ACHE: variants seen among roughly 807,000 people sequenced by gnomAD.
The protein encoded by ACHE is acetylcholinesterase (Yt blood group), also known as acetylcholinesterase.
ACHE carries 19 observed loss-of-function variants against 53.9 expected under a neutral mutation model. That is an observed-to-expected ratio of 0.35 (90% CI 0.25 to 0.52). The LOEUF (loss-of-function observed/expected upper bound fraction) is 0.52. Ranked by LOEUF, ACHE falls within the 20% of genes least tolerant of loss-of-function variation. The pLI, the probability that ACHE is intolerant of heterozygous loss-of-function variation, is 0.95. For synonymous variants in ACHE, 392 were observed against 378.1 expected (o/e 1.04, Z -0.43); for missense variants, 605 against 849.4 (o/e 0.71, Z 3.58).
At chr7:100,890,907 G>T in intron 4 of ACHE, 2 of 1,472,100 alleles carry the variant, frequency 1.4e-6, no homozygotes, top group South Asian at 2.9e-5. Context: ...CCCACGGTCC[G>T]ACCACTCATT....
chr7:100,890,905 C>T, intron 4 of ACHE: 4 of 1,472,818 alleles, frequency 2.7e-6, no homozygotes, highest in Non-Finnish European at 3.6e-6. Flanking sequence ...TCCCCACGGT[C>T]CGACCACTCA....
rs1419397463 is a variant in ACHE at position 100,892,729 on chromosome 7, G to A, written c.1158C>T (p.Ser386=). 11 of 1,613,354 alleles carry A rather than the reference G, an allele frequency of 6.8e-6. No individual in the cohort carries two copies. Among genetic ancestry groups the A allele is most frequent in the South Asian group, 1.1e-5 (1 of 91,076 alleles). The change falls in exon 3 of 5, where the codon AGC becomes AGT. Residue 386 remains serine, a synonymous_variant. Coordinates refer to ENST00000241069, the MANE Select transcript of ACHE (RefSeq NM_000665.5). This position sits in a 1 kb window ranked among gnomAD's most constrained non-coding sequence, Gnocchi z 5.2. ...GCACCCCGGCCAGGAACTCGGCCCGGCTGATGAGAGACTCGTTGTCTTTGC... is the reference window on the plus strand; with the variant it reads ...GCACCCCGGCCAGGAACTCGGCCCGACTGATGAGAGACTCGTTGTCTTTGC... ...GFSKDNESLI[S]RAEFLAGVRV...
Position 100,893,404 on chromosome 7 carries a change from G to C in ACHE, c.829C>G (p.Arg277Gly), listed in dbSNP as rs768377541. ...WATVGMGEAR[R>G]RATQLAHLVG... ...AGGTGGGCCAGCTGCGTGGCCCTGCGACGGGCCTCTCCCATGCCCACCGTG... is the reference window on the plus strand; with the variant it reads ...AGGTGGGCCAGCTGCGTGGCCCTGCCACGGGCCTCTCCCATGCCCACCGTG... Residue 277 changes from arginine to glycine, a missense_variant, in exon 2 of 5, where the codon CGC becomes GGC. Arg to Gly is a moderately radical substitution (Grantham distance 125, BLOSUM62 -2). Around this residue, in one of 4 missense-constraint regions of ACHE, gnomAD observed 397 missense variants for 632.5 expected, o/e 0.63. Transcript: ENST00000241069. 1 of 1,612,098 alleles carries C rather than the reference G, an allele frequency of 6.2e-7. No individual in the cohort carries two copies. Among genetic ancestry groups the C allele is most frequent in the Admixed American group, 1.7e-5 (1 of 59,984 alleles).
At position 100,893,480 on chromosome 7, in the gene ACHE, G is replaced by T; in HGVS notation, c.753C>A (p.Gly251=). 6.2e-7 allele frequency: 1 copy of T among 1,607,708 alleles called. No individual in the cohort carries two copies. Residue 251 remains glycine (G), a synonymous_variant, in exon 2 of 5, where the codon GGC becomes GGA. Coordinates refer to ENST00000241069, the MANE Select transcript of ACHE (RefSeq NM_000665.5). ...GMHLLSPPSR[G]LFHRAVLQSG... is the part of the protein sequence containing the mutation. ...TCTGCAGCACGGCCCTGTGGAACAG[G>T]CCCCGGCTGGGCGGGGACAGCAGGT...
chr7:100,893,099 T>G, intron 2 of ACHE, 66 bp downstream of exon 2: 1 of 1,522,840 alleles, frequency 6.6e-7, no homozygotes, highest in South Asian at 1.2e-5. Context: ...CCTGGGTCCC[T>G]GCAGGGAGGG....
chr7:100,896,204 G>C (rs2116039940), upstream of ACHE: 1 of 152,358 alleles, frequency 6.6e-6, no homozygotes, highest in African/African-American at 2.4e-5. Flanking sequence ...CTCATGCAGT[G>C]ACAGGCACAG....
Position 100,891,306 on chromosome 7 carries a change from G to T in ACHE, c.1586C>A (p.Pro529Gln). The change falls in exon 4 of 5, where the codon CCA (proline) becomes CAA (glutamine). Residue 529 changes from proline to glutamine, a missense_variant. Pro to Gln is a moderately conservative substitution (Grantham distance 76, BLOSUM62 -1). This residue lies in a region of ACHE where 91 missense variants were observed against 83.2 expected (regional missense o/e 1.09). Coordinates refer to ENST00000241069, the MANE Select transcript of ACHE (RefSeq NM_000665.5). ...CCCCGCCGTGTACGGGGGCCATTGT[G>T]GGGCCTTGGGGTCTCGGGGCTCATT... ...DPNEPRDPKAPQWPPYTAGAQ... is the reference protein window; with the variant it reads ...DPNEPRDPKAQQWPPYTAGAQ... 6.3e-7 allele frequency: 1 copy of T among 1,580,896 alleles called. No individual in the cohort carries two copies. Among genetic ancestry groups the T allele is most frequent in the Non-Finnish European group, 8.6e-7 (1 of 1,164,366 alleles).
At position 100,892,816 on chromosome 7, in the gene ACHE, C is replaced by T. The variant is rs898880110; in HGVS notation, c.1071G>A (p.Val357=). ...CCTCATCCTTCACCACACCCACCAG[C>T]ACCTGGGGGTGAGGGAGAGGGGGGT... The part of the protein sequence containing the change: ...INAGDFHGLQ[V]LVGVVKDEGS... The change falls in exon 3 of 5, where the codon GTG becomes GTA. Residue 357 remains valine, a splice_region_variant and synonymous_variant. Transcript: ENST00000241069. The surrounding 1 kb of genome is among the most constrained non-coding windows in gnomAD (Gnocchi z 5.2). 1.9e-6 allele frequency: 3 copies of T among 1,574,004 alleles called. No homozygotes were observed. The highest frequency in any genetic ancestry group is 1.8e-5 in the Admixed American group (1 of 56,598).
chr7:100,895,887 A>T lies in ACHE; in HGVS notation c.-106T>A, dbSNP rs1021146723. Reference sequence around the variant, plus strand: ...CCCGGCGCAGGCTGAGCCGACTCTGACAGCCGCCGCCTCCGGCCCCCCGCA... The same window carrying T: ...CCCGGCGCAGGCTGAGCCGACTCTGTCAGCCGCCGCCTCCGGCCCCCCGCA... On this transcript the variant is annotated 5_prime_UTR_variant, in exon 1 of 5. Coordinates refer to ENST00000241069, the MANE Select transcript of ACHE (RefSeq NM_000665.5). The T allele has an allele frequency of 6.6e-6, 1 of 151,750 alleles. No homozygotes were observed. The highest frequency in any genetic ancestry group is 1.5e-5 in the Non-Finnish European group (1 of 67,926). The allele number at this position is 151,750 out of a possible 1,614,324, so 9.4% of individuals were successfully genotyped here.
At position 100,891,279 on chromosome 7, in the gene ACHE, GC is replaced by G; in HGVS notation, c.1612del (p.Ala538LeufsTer104). 6.2e-7 allele frequency: 1 copy of G among 1,606,880 alleles called. No individual in the cohort carries two copies. ...CAGGTCCAGACTAACGTACTGCTGA[GC>G]CCCCGCCGTGTACGGGGGCCATTGT... ...APQWPPYTAG[A>X]QQYVSLDLRP... On this transcript the variant is annotated frameshift_variant, in exon 4 of 5. Transcript: ENST00000241069. LOFTEE classifies it high-confidence loss of function.
In ACHE at chr7:100,890,192, G is replaced by C; in HGVS notation, c.*22C>G. 2 of 1,613,456 alleles carry C rather than the reference G, an allele frequency of 1.2e-6. No individual in the cohort carries two copies. The highest frequency in any genetic ancestry group is 1.7e-6 in the Non-Finnish European group (2 of 1,179,488). On this transcript the variant is annotated 3_prime_UTR_variant, in exon 5 of 5. Coordinates refer to ENST00000241069, the MANE Select transcript of ACHE (RefSeq NM_000665.5). The stretch of plus-strand genomic sequence containing the variant: ...CAGCTAGGGGGCCGGGCGGAGCGGA[G>C]GACATGGGGGTCCCGCCGGGGTCAC...
At position 100,893,906 on chromosome 7, in the gene ACHE, T is replaced by C. The variant is rs1305293723; in HGVS notation, c.327A>G (p.Pro109=). ...VCYQYVDTLY[P]GFEGTEMWNP... Reference sequence around the variant, plus strand: ...TCCACATCTCGGTGCCCTCAAAACCTGGGTATAGGGTGTCCACATATTGGT... The same window carrying C: ...TCCACATCTCGGTGCCCTCAAAACCCGGGTATAGGGTGTCCACATATTGGT... Residue 109 remains proline, a synonymous_variant, in exon 2 of 5, where the codon CCA becomes CCG. Transcript: ENST00000241069. The C allele has an allele frequency of 6.3e-7, 1 of 1,598,198 alleles. No homozygotes were observed. Among genetic ancestry groups the C allele is most frequent in the South Asian group, 1.1e-5 (1 of 89,694 alleles).
chr7:100,892,767 C>A lies in ACHE; in HGVS notation c.1120G>T (p.Ala374Ser). 1 of 1,607,726 alleles carries A rather than the reference C, an allele frequency of 6.2e-7. No homozygotes were observed. Among genetic ancestry groups the A allele is most frequent in the Non-Finnish European group, 8.5e-7 (1 of 1,178,568 alleles). Reference sequence around the variant, plus strand: ...TCGTTGTCTTTGCTGAAGCCTGGGGCCCCGTAAACCAGAAAATACGAGCCC... The same window carrying A: ...TCGTTGTCTTTGCTGAAGCCTGGGGACCCGTAAACCAGAAAATACGAGCCC... ...DEGSYFLVYG[A>S]PGFSKDNESL... Residue 374 changes from alanine (A) to serine (S), a missense_variant, in exon 3 of 5, where the codon GCC becomes TCC. By Grantham distance (99) the Ala-to-Ser change is moderately conservative. Transcript: ENST00000241069. The surrounding 1 kb of genome is among the most constrained non-coding windows in gnomAD (Gnocchi z 5.2).
At position 100,891,285 on chromosome 7, in the gene ACHE, G is replaced by A. The variant is rs201344558; in HGVS notation, c.1607C>T (p.Ala536Val). Reference protein sequence around the residue: ...PKAPQWPPYTAGAQQYVSLDL... With the variant: ...PKAPQWPPYTVGAQQYVSLDL... Reference sequence around the variant, plus strand: ...CAGACTAACGTACTGCTGAGCCCCCGCCGTGTACGGGGGCCATTGTGGGGC... The same window carrying A: ...CAGACTAACGTACTGCTGAGCCCCCACCGTGTACGGGGGCCATTGTGGGGC... The change falls in exon 4 of 5, where the codon GCG becomes GTG. Residue 536 changes from alanine to valine, a missense_variant. Transcript: ENST00000241069. 5.6e-6 allele frequency: 9 copies of A among 1,604,704 alleles called. No homozygotes were observed. Among genetic ancestry groups the A allele is most frequent in the Admixed American group, 1.7e-5 (1 of 59,028 alleles).
chr7:100,896,707 G>T (rs1305890965), upstream of ACHE: 1 of 316,610 alleles, frequency 3.2e-6, no homozygotes. Flanking sequence ...TCCGGTCGGG[G>T]CATGACATCA....
intron 4 of ACHE, 178 bp from the exon 5 acceptor site, chr7:100,890,513 A>G: frequency 1.4e-6 from 2 of 1,427,104 alleles, no homozygotes; most frequent in Non-Finnish European, 1.8e-6. Flanking sequence ...GACGAGAGGG[A>G]GGATGAGGGC....
At chr7:100,891,421 C>G in intron 3 of ACHE, 83 bp from the exon 4 acceptor site, 1 of 1,384,918 alleles carries the variant, frequency 7.2e-7, no homozygotes, top group Admixed American at 2.7e-5. Flanking sequence ...GACTCTTCAG[C>G]TCAGCGGAGA....
rs144383173 is a variant in ACHE at position 100,892,257 on chromosome 7, C to T, written c.1553+77G>A. ...CCTGTCCCACCCGTCCTTTCTGTCT[C>T]CGTGTGTCTGCCTTTGTGTGTCCTC... On this transcript the variant is annotated intron_variant, in intron 3 of 4. Transcript: ENST00000241069. This position sits in a 1 kb window ranked among gnomAD's most constrained non-coding sequence, Gnocchi z 5.2. The T allele has an allele frequency of 7.6e-6, 11 of 1,451,322 alleles. 1 individual carries two copies. The African/African-American group carries it at 1.6e-4, about 21-fold the overall frequency. The allele number at this position is 1,451,322 out of a possible 1,614,324, so 89.9% of individuals were successfully genotyped here.
chr7:100,890,710 C>G (rs1790624797), intron 4 of ACHE: 1 of 1,329,496 alleles, frequency 7.5e-7, no homozygotes, highest in African/African-American at 1.5e-5. Context: ...CAATGTCAGG[C>G]TCAGGTTCCA....
Sources: allele counts gnomAD v4.1 joint callset, GRCh38; gene constraint gnomAD v4.1.1; regional missense constraint gnomAD v4.1.1; non-coding constraint Gnocchi (gnomAD v3.1); transcripts MANE v1.5; gene names NCBI Gene and HGNC (gene_info 2026-07-23, HGNC 2026-07-21).